The following ARMH3 variants were observed in gnomAD, a reference collection of about 807,000 sequenced individuals.
ARMH3 encodes the protein armadillo like helical domain containing 3, also known as armadillo-like helical domain-containing protein 3.
Under a neutral mutation model 99.1 loss-of-function variants are expected in ARMH3, and 60 were observed. The observed-to-expected ratio is 0.61, with a 90% CI of 0.49 to 0.75. The LOEUF (loss-of-function observed/expected upper bound fraction) is 0.75, where lower values mean the gene tolerates loss of function less well. Ranked by LOEUF, ARMH3 falls within the 30% of genes least tolerant of loss-of-function variation. ARMH3 has a pLI of 0.00. For missense variants in ARMH3, 679 were observed against 843.1 expected, an observed-to-expected ratio of 0.81 and a Z score of 2.41; for synonymous variants, 285 against 292.8, an observed-to-expected ratio of 0.97 and a Z score of 0.27.
chr10:101,847,820 G>C (rs900652976), intron 25 of ARMH3, among the ~76,000 whole-genome samples, 200 bp from the exon 26 acceptor site: 3 of 152,220 alleles, frequency 2.0e-5, no homozygotes, highest in African/African-American at 7.2e-5. Context: ...AGAGAAGAGG[G>C]GTGGACAGGA....
chr10:101,988,660 C>T (rs1235772416), intron 19 of ARMH3, among the ~76,000 whole-genome samples: 1 of 152,174 alleles, frequency 6.6e-6, no homozygotes, highest in Non-Finnish European at 1.5e-5. Context: ...CAGTGGCTCA[C>T]GCCTGTAATC....
At chr10:101,896,973 G>A (rs2067853176) in intron 23 of ARMH3, among the ~76,000 whole-genome samples, 1 of 152,220 alleles carries the variant, frequency 6.6e-6, no homozygotes, top group Non-Finnish European at 1.5e-5. Context: ...ATGTGGCAAA[G>A]GATGTCAACT....
intron 19 of ARMH3, among the ~76,000 whole-genome samples, chr10:101,982,573 G>A (rs538259839): frequency 1.3e-5 from 2 of 152,296 alleles, no homozygotes; most frequent in African/African-American, 2.4e-5. Context: ...CACAGCAGGA[G>A]GTGAGTGGCA....
chr10:101,944,289 G>T (rs1206238552), intron 22 of ARMH3, among the ~76,000 whole-genome samples: 772 of 68,060 alleles, frequency 0.011, 4 homozygotes, highest in African/African-American at 0.039. Context: ...GAGAGAGAGA[G>T]AGAGAGAGAG....
At position 101,987,470 on chromosome 10, in the gene ARMH3, T is replaced by A. The variant is rs546430602; in HGVS notation, c.1406+3081A>T. ...CACAGACATGATTAAGAGAACAGCC[T>A]CCGGGGTCAGACATGAATTTTAACC... On this transcript the variant is annotated intron_variant, in intron 19 of 25. Coordinates refer to ENST00000370033, the MANE Select transcript of ARMH3 (RefSeq NM_024541.3). 1.2e-4 allele frequency among the ~76,000 whole-genome samples: 18 copies of A among 152,282 alleles called. No homozygotes were observed. In the East Asian group the frequency reaches 3.5e-3, roughly 29 times the overall value.
At chr10:101,930,229 A>G (rs545508398) in intron 23 of ARMH3, among the ~76,000 whole-genome samples, 1 of 152,282 alleles carries the variant, frequency 6.6e-6, no homozygotes, top group Admixed American at 6.5e-5. Flanking sequence ...AATCATCTCA[A>G]TAGAAGCAAA....
At chr10:101,894,558 T>C (rs1031142816) in intron 23 of ARMH3, among the ~76,000 whole-genome samples, 2 of 152,212 alleles carry the variant, frequency 1.3e-5, no homozygotes, top group Non-Finnish European at 2.9e-5. Flanking sequence ...GGACTCATGC[T>C]TGACTAGCTC....
chr10:101,896,772 T>C (rs1440762787), intron 23 of ARMH3, among the ~76,000 whole-genome samples: 1 of 152,120 alleles, frequency 6.6e-6, no homozygotes, highest in African/African-American at 2.4e-5. Flanking sequence ...ATCCTATAAA[T>C]TACAGAAGCT....
chr10:102,043,774 A>C (rs1033926661), intron 1 of ARMH3, among the ~76,000 whole-genome samples: 10 of 152,212 alleles, frequency 6.6e-5, no homozygotes, highest in Admixed American at 4.6e-4. Context: ...TTTCAATACT[A>C]ATTTCACCTA....
At chr10:102,041,104 T>TATATAATATATATATATATATATATA (rs2067412054) in intron 1 of ARMH3, among the ~76,000 whole-genome samples, 1 of 146,600 alleles carries the variant, frequency 6.8e-6, no homozygotes, top group African/African-American at 2.5e-5. Flanking sequence ...TATATATATA[T>TATATAATATATATATATATATATATA]ATATATATGT....
At chr10:102,030,851 T>A (rs953887581) in intron 4 of ARMH3, among the ~76,000 whole-genome samples, 3 of 152,122 alleles carry the variant, frequency 2.0e-5, no homozygotes, top group Non-Finnish European at 4.4e-5. Flanking sequence ...GCGTGAGTGA[T>A]CCCGCCTCAC....
chr10:101,980,373 ACTGCAACCT>A (rs1846173953), intron 19 of ARMH3, among the ~76,000 whole-genome samples: 1 of 152,060 alleles, frequency 6.6e-6, no homozygotes, highest in Non-Finnish European at 1.5e-5. Context: ...ATCTCGGCTC[ACTGCAACCT>A]CTGCCTCCTG....
At chr10:101,983,557 A>G (rs1846324939) in intron 19 of ARMH3, among the ~76,000 whole-genome samples, 1 of 152,176 alleles carries the variant, frequency 6.6e-6, no homozygotes, top group Non-Finnish European at 1.5e-5. Flanking sequence ...TGGCCAGCCA[A>G]TGGTTTAATC....
At chr10:101,966,848 G>A (rs1845565010) in intron 20 of ARMH3, among the ~76,000 whole-genome samples, 1 of 152,158 alleles carries the variant, frequency 6.6e-6, no homozygotes, top group African/African-American at 2.4e-5. Flanking sequence ...GGTGCAGAGA[G>A]GAACAAGCCA....
At position 101,904,950 on chromosome 10, in the gene ARMH3, C is replaced by CAA. The variant is rs34831483; in HGVS notation, c.1782-15462_1782-15461dup. Among the ~76,000 whole-genome samples the CAA allele has an allele frequency of 3.5e-3, 321 of 91,450 alleles. 3 individuals carry two copies. Among genetic ancestry groups the CAA allele is most frequent in the Non-Finnish European group, 4.1e-3 (198 of 48,698 alleles). 60.0% of individuals were successfully genotyped at this position (91,450 alleles called of 152,430 possible). A position where few individuals can be genotyped will look rare whatever the true frequency, so the allele number is the denominator to read the frequency against. ...CTGGGGACAGAGAGAGACTCCATCT[C>CAA]AAAAAAAAAAAAAAAAGAAAGAAAG... On this transcript the variant is annotated intron_variant, in intron 23 of 25. Transcript: ENST00000370033.
In ARMH3 at chr10:102,034,732, C is replaced by T. The variant is rs1249340511; in HGVS notation, c.103-1393G>A. 2.6e-5 allele frequency among the ~76,000 whole-genome samples: 4 copies of T among 151,666 alleles called. No homozygotes were observed. In the East Asian group the frequency reaches 7.8e-4, roughly 30 times the overall value. On this transcript the variant is annotated intron_variant, in intron 2 of 25. Transcript: ENST00000370033. Reference sequence around the variant, plus strand: ...TAGCCCACTACCACCTTATTTTAAGCTGACCTTTTAAAACTACTACCAGGA... The same window carrying T: ...TAGCCCACTACCACCTTATTTTAAGTTGACCTTTTAAAACTACTACCAGGA...
intron 23 of ARMH3, among the ~76,000 whole-genome samples, chr10:101,891,830 T>C (rs1452395389): frequency 6.6e-6 from 1 of 152,110 alleles, no homozygotes; most frequent in Non-Finnish European, 1.5e-5. Context: ...TAGTGTGGGC[T>C]AGGCGTGGTG....
At chr10:101,958,780 TTAAAG>T (rs1845156457) in intron 20 of ARMH3, among the ~76,000 whole-genome samples, 1 of 152,176 alleles carries the variant, frequency 6.6e-6, no homozygotes, top group Non-Finnish European at 1.5e-5. Context: ...TTTACTACTC[TTAAAG>T]TAGAGATGTG....
At chr10:101,971,162 T>G (rs1845756188) in intron 20 of ARMH3, among the ~76,000 whole-genome samples, 1 of 131,962 alleles carries the variant, frequency 7.6e-6, no homozygotes, top group Non-Finnish European at 1.6e-5. Flanking sequence ...AGGGGCCCAA[T>G]ATGCTATAGA....
Sources: allele counts gnomAD v4.1 joint callset (sites outside exome capture counted in the v4.1 genomes callset), GRCh38; gene constraint gnomAD v4.1.1; transcripts MANE v1.5; gene names NCBI Gene and HGNC (gene_info 2026-07-23, HGNC 2026-07-21).